The following SLC24A2 variants were observed in gnomAD, a reference collection of about 807,000 sequenced individuals.
The protein encoded by SLC24A2 is sodium/potassium/calcium exchanger 2.
Under a neutral mutation model 62.0 loss-of-function variants are expected in SLC24A2, and 36 were observed. That is an observed-to-expected ratio of 0.58 (90% CI 0.44 to 0.77). The LOEUF (loss-of-function observed/expected upper bound fraction) is 0.77. Ranked by LOEUF, SLC24A2 falls within the 30% of genes least tolerant of loss-of-function variation. The pLI is 0.00. For missense variants in SLC24A2, 846 were observed against 817.9 expected (o/e 1.03, Z -0.42); for synonymous variants, 358 against 294.0 (o/e 1.22, Z -2.23).
At chr9:20,017,471 G>T in the SLC24A2 span, among the ~76,000 whole-genome samples, 9 of 152,130 alleles carry the variant, frequency 5.9e-5, no homozygotes, top group African/African-American at 2.2e-4. Flanking sequence ...GTGTGTATTA[G>T]TCAGGGTTCT....
the SLC24A2 span, among the ~76,000 whole-genome samples, chr9:19,984,702 T>A: frequency 6.6e-6 from 1 of 152,218 alleles, no homozygotes; most frequent in Non-Finnish European, 1.5e-5. Flanking sequence ...TGAGGCTCTG[T>A]CTCAACAAAT....
chr9:19,740,871 C>CAAA (rs35585142), intron 2 of SLC24A2, among the ~76,000 whole-genome samples: 1 of 139,480 alleles, frequency 7.2e-6, no homozygotes. Context: ...TAAAAAGGAC[C>CAAA]AAAAAAAAAA....
At chr9:20,102,676 C>T in the SLC24A2 span, among the ~76,000 whole-genome samples, 8 of 150,940 alleles carry the variant, frequency 5.3e-5, no homozygotes, top group African/African-American at 1.7e-4. Flanking sequence ...AAAAAAAAGA[C>T]ATTTCCAAAA....
At chr9:19,976,049 A>G in the SLC24A2 span, among the ~76,000 whole-genome samples, 186 of 152,242 alleles carry the variant, frequency 1.2e-3, no homozygotes, top group African/African-American at 4.3e-3. Context: ...GCTAATTTTT[A>G]AATTTTTAAC....
chr9:19,702,783 A>T (rs896486644), intron 2 of SLC24A2, among the ~76,000 whole-genome samples: 1 of 152,148 alleles, frequency 6.6e-6, no homozygotes, highest in African/African-American at 2.4e-5. Context: ...TTAAATGTTT[A>T]TTTAAAAAGT....
the SLC24A2 span, among the ~76,000 whole-genome samples, chr9:20,251,599 T>C: frequency 6.6e-6 from 1 of 152,212 alleles, no homozygotes; most frequent in Admixed American, 6.5e-5. Flanking sequence ...ATAAAGTAAG[T>C]ATCAGGAATT....
the SLC24A2 span, among the ~76,000 whole-genome samples, chr9:19,864,536 G>T: frequency 6.8e-4 from 104 of 152,058 alleles, no homozygotes; most frequent in African/African-American, 2.3e-3. Flanking sequence ...ATGGTTCAAC[G>T]TATGCAAATC....
chr9:20,043,480 G>A, the SLC24A2 span, among the ~76,000 whole-genome samples: 2 of 152,284 alleles, frequency 1.3e-5, no homozygotes, highest in East Asian at 3.9e-4. Flanking sequence ...CTTCTGGAAA[G>A]GATTCACTAT....
the SLC24A2 span, among the ~76,000 whole-genome samples, chr9:20,016,556 C>G: frequency 6.6e-6 from 1 of 152,166 alleles, no homozygotes; most frequent in Non-Finnish European, 1.5e-5. Context: ...TAACCTAATT[C>G]TATGCATAAT....
chr9:20,246,999 C>A, the SLC24A2 span, among the ~76,000 whole-genome samples: 2 of 152,202 alleles, frequency 1.3e-5, no homozygotes, highest in Non-Finnish European at 2.9e-5. Flanking sequence ...CAGTGTATTG[C>A]ATTATTTTGA....
the SLC24A2 span, among the ~76,000 whole-genome samples, chr9:20,278,922 T>C: frequency 6.6e-6 from 1 of 152,312 alleles, no homozygotes; most frequent in East Asian, 1.9e-4. Context: ...AGAGGTTTAA[T>C]TGACTCACAG....
the SLC24A2 span, among the ~76,000 whole-genome samples, chr9:20,266,443 C>T: frequency 2.0e-5 from 3 of 152,192 alleles, no homozygotes; most frequent in Non-Finnish European, 4.4e-5. Context: ...CAAGACCTAA[C>T]TCATTCTCCA....
intron 2 of SLC24A2, among the ~76,000 whole-genome samples, chr9:19,696,294 G>T (rs950503444): frequency 6.6e-6 from 1 of 152,172 alleles, no homozygotes; most frequent in African/African-American, 2.4e-5. Context: ...GTGCCAAAAA[G>T]GTTGGGACCA....
chr9:19,591,053 G>T (rs552967508), intron 5 of SLC24A2, among the ~76,000 whole-genome samples: 1 of 151,632 alleles, frequency 6.6e-6, no homozygotes, highest in Non-Finnish European at 1.5e-5. Flanking sequence ...CTTTTTTCCC[G>T]GACTCTAGAC....
chr9:19,533,270 G>A (rs1586905446), intron 8 of SLC24A2, among the ~76,000 whole-genome samples: 1 of 152,140 alleles, frequency 6.6e-6, no homozygotes, highest in South Asian at 2.1e-4. Flanking sequence ...GCCCTAAGGA[G>A]GGGCAAATAT....
chr9:19,877,570 C>A, the SLC24A2 span, among the ~76,000 whole-genome samples: 29 of 151,824 alleles, frequency 1.9e-4, no homozygotes, highest in East Asian at 5.3e-3. Flanking sequence ...AATGTAGTGG[C>A]AGTCAGGACA....
intron 8 of SLC24A2, among the ~76,000 whole-genome samples, chr9:19,542,172 C>T (rs758902623): frequency 2.6e-5 from 4 of 152,176 alleles, no homozygotes; most frequent in African/African-American, 7.2e-5. Flanking sequence ...TCTTCTGCGT[C>T]GCTCACGCTG....
chr9:19,942,746 A>G, the SLC24A2 span, among the ~76,000 whole-genome samples: 615 of 152,316 alleles, frequency 4.0e-3, 5 homozygotes, highest in African/African-American at 0.014. Flanking sequence ...TGTGCCTCAC[A>G]AAGTCCCTAC....
chr9:20,183,020 T>A, the SLC24A2 span, among the ~76,000 whole-genome samples: 1 of 152,176 alleles, frequency 6.6e-6, no homozygotes, highest in Non-Finnish European at 1.5e-5. Flanking sequence ...AAGGCAGGAT[T>A]TTTTTTAACT....
Sources: gnomAD v4.1 joint callset for allele counts (sites outside exome capture counted in the v4.1 genomes callset) on GRCh38, gnomAD v4.1.1 for gene constraint, MANE v1.5 for transcripts, NCBI Gene and HGNC (gene_info 2026-07-23, HGNC 2026-07-21) for gene names.